Variants in SYT1 observed in about 807,000 individuals in gnomAD.
SYT1 encodes the protein synaptotagmin 1.
A neutral mutation model predicts 44.8 loss-of-function variants in SYT1; 8 were observed. That is an observed-to-expected ratio of 0.18 (90% CI 0.10 to 0.32). SYT1 has a LOEUF of 0.32. Ranked by LOEUF, SYT1 falls within the 10% of genes least tolerant of loss-of-function variation. The pLI is 1.00. For missense variants in SYT1, 286 were observed against 509.3 expected, an observed-to-expected ratio of 0.56 and a Z score of 4.22; for synonymous variants, 154 against 188.8, an observed-to-expected ratio of 0.82 and a Z score of 1.51.
chr12:79,030,286 A>G (rs1014938450), intron 2 of SYT1, among the ~76,000 whole-genome samples: 1 of 150,928 alleles, frequency 6.6e-6, no homozygotes, highest in Non-Finnish European at 1.5e-5. Context: ...GATGTCTACA[A>G]TATGGTCCAA....
At chr12:79,257,558 G>C (rs1405314911) in intron 4 of SYT1, among the ~76,000 whole-genome samples, 3 of 152,164 alleles carry the variant, frequency 2.0e-5, no homozygotes, top group Non-Finnish European at 4.4e-5. Flanking sequence ...CGCAATCTCT[G>C]CTCACTGCAA....
chr12:79,091,350 A>AC (rs1877763004), intron 3 of SYT1, among the ~76,000 whole-genome samples: 1 of 152,004 alleles, frequency 6.6e-6, no homozygotes, highest in African/African-American at 2.4e-5. Flanking sequence ...TTAAGTCTCT[A>AC]CATGGTGTAA....
intron 2 of SYT1, among the ~76,000 whole-genome samples, chr12:79,026,531 C>G (rs573501902): frequency 6.6e-6 from 1 of 150,574 alleles, no homozygotes; most frequent in Non-Finnish European, 1.5e-5. Flanking sequence ...ATTGGAATCA[C>G]GTGGTTTATT....
intron 8 of SYT1, among the ~76,000 whole-genome samples, chr12:79,300,468 C>T (rs750039887): frequency 1.6e-4 from 24 of 151,950 alleles, no homozygotes; most frequent in Non-Finnish European, 7.4e-5. Context: ...TCAGAGAGAA[C>T]GTCAGGCCTT....
At chr12:78,922,624 G>A (rs1184704747) in intron 1 of SYT1, among the ~76,000 whole-genome samples, 1 of 151,884 alleles carries the variant, frequency 6.6e-6, no homozygotes, top group Non-Finnish European at 1.5e-5. Flanking sequence ...TAGAGCCTCT[G>A]TTGAAAGAGA....
In SYT1 at chr12:79,353,484, T is replaced by C. The variant is rs768542294; in HGVS notation, c.811-18T>C. ...TGTATTTGAAAAATTGCTAATACTT[T>C]CTTATTGGTTTTCTTAGCAAGAGAA... On this transcript the variant is annotated intron_variant, in intron 8 of 10. Coordinates refer to ENST00000261205, the MANE Select transcript of SYT1 (RefSeq NM_005639.3). 6.4e-7 allele frequency: 1 copy of C among 1,563,966 alleles called. No individual in the cohort carries two copies. The highest frequency in any genetic ancestry group is 2.2e-5 in the East Asian group (1 of 44,662).
At chr12:79,279,886 T>A in intron 4 of SYT1, among the ~76,000 whole-genome samples, 1 of 151,992 alleles carries the variant, frequency 6.6e-6, no homozygotes, top group Non-Finnish European at 1.5e-5. Context: ...CTCAATCCCA[T>A]TTATAATAGC....
intron 1 of SYT1, among the ~76,000 whole-genome samples, chr12:78,942,299 C>T (rs1878420622): frequency 2.0e-5 from 3 of 152,202 alleles, no homozygotes; most frequent in Admixed American, 2.0e-4. Flanking sequence ...CTTATCCAGG[C>T]ATTCAATGAC....
chr12:79,287,192 G>A (rs1474561645), intron 5 of SYT1, among the ~76,000 whole-genome samples: 1 of 151,982 alleles, frequency 6.6e-6, no homozygotes, highest in Non-Finnish European at 1.5e-5. Flanking sequence ...CTGCATTTTT[G>A]TTCTGTTTTG....
At chr12:78,910,027 C>T (rs1298834133) in intron 1 of SYT1, among the ~76,000 whole-genome samples, 1 of 151,954 alleles carries the variant, frequency 6.6e-6, no homozygotes, top group African/African-American at 2.4e-5. Flanking sequence ...GCATTATCAG[C>T]CCCCAACCCT....
intron 2 of SYT1, among the ~76,000 whole-genome samples, chr12:79,045,223 G>T (rs980512539): frequency 2.6e-5 from 4 of 152,204 alleles, no homozygotes; most frequent in Non-Finnish European, 5.9e-5. Flanking sequence ...CCCCAGCCTG[G>T]CTGCCGCCTT....
intron 2 of SYT1, among the ~76,000 whole-genome samples, chr12:79,014,050 A>G (rs1871612617): frequency 6.9e-6 from 1 of 145,452 alleles, no homozygotes; most frequent in Non-Finnish European, 1.5e-5. Flanking sequence ...GCTTGAACCC[A>G]GGAGGCAAGG....
rs150844935 is a variant in SYT1 at position 79,122,243 on chromosome 12, G to A, written c.-18+74881G>A. The stretch of plus-strand genomic sequence containing the variant: ...GAGATTCATATTTCAGGCCGGGCGC[G>A]GTGGCTCACGCCTGTAATCCCAGCA... On this transcript the variant is annotated intron_variant, in intron 3 of 10. Transcript: ENST00000261205. Among the ~76,000 whole-genome samples the A allele has an allele frequency of 3.9e-5, 6 of 152,080 alleles. No homozygotes were observed. The South Asian group carries it at 6.2e-4, about 16-fold the overall frequency.
chr12:78,869,315 A>G (rs1156393580), intron 1 of SYT1, among the ~76,000 whole-genome samples: 1 of 151,994 alleles, frequency 6.6e-6, no homozygotes, highest in Admixed American at 6.6e-5. Flanking sequence ...GTAGCCGGGT[A>G]TGTGAACATC....
At chr12:78,947,261 A>G (rs987588964) in intron 1 of SYT1, among the ~76,000 whole-genome samples, 1 of 152,148 alleles carries the variant, frequency 6.6e-6, no homozygotes, top group African/African-American at 2.4e-5. Flanking sequence ...AAATATACCA[A>G]ATGATAGAGA....
chr12:79,099,167 G>C (rs1366577222), intron 3 of SYT1, among the ~76,000 whole-genome samples: 1 of 152,056 alleles, frequency 6.6e-6, no homozygotes, highest in Non-Finnish European at 1.5e-5. Context: ...GGTGAATTTT[G>C]CTACTTGGCT....
chr12:78,979,262 C>A (rs1452541339), intron 2 of SYT1, among the ~76,000 whole-genome samples: 1 of 152,136 alleles, frequency 6.6e-6, no homozygotes, highest in Non-Finnish European at 1.5e-5. Context: ...TCTTACCATA[C>A]AGATCTTAAA....
intron 4 of SYT1, among the ~76,000 whole-genome samples, chr12:79,218,722 A>G (rs1270771712): frequency 6.6e-6 from 1 of 152,130 alleles, no homozygotes; most frequent in Non-Finnish European, 1.5e-5. Flanking sequence ...TTATAGCTGA[A>G]TGGTATCTCT....
chr12:79,051,760 T>C (rs947529936), intron 3 of SYT1, among the ~76,000 whole-genome samples: 1 of 152,026 alleles, frequency 6.6e-6, no homozygotes, highest in Non-Finnish European at 1.5e-5. Flanking sequence ...ATAGTGATAT[T>C]TAATTTAAAA....
Sources: gnomAD v4.1 joint callset for allele counts (sites outside exome capture counted in the v4.1 genomes callset) on GRCh38, gnomAD v4.1.1 for gene constraint, MANE v1.5 for transcripts, NCBI Gene and HGNC (gene_info 2026-07-23, HGNC 2026-07-21) for gene names.